Variants in STARD10 observed in about 807,000 individuals in gnomAD.
STARD10 encodes StAR related lipid transfer domain containing 10, also known as START domain-containing protein 10.
A neutral mutation model predicts 36.0 loss-of-function variants in STARD10; 24 were observed. That is an observed-to-expected ratio of 0.67 (90% CI 0.48 to 0.94). The LOEUF (loss-of-function observed/expected upper bound fraction) is 0.94. Among genes scored for constraint, STARD10 ranks in the 40% least tolerant of loss-of-function variants. STARD10 has a pLI of 0.00. For synonymous variants in STARD10, 156 were observed against 161.9 expected (o/e 0.96, Z 0.28); for missense variants, 335 against 396.6 (o/e 0.84, Z 1.32).
chr11:72,779,975 G>A (rs1858971447), intron 2 of STARD10, among the ~76,000 whole-genome samples: 1 of 152,208 alleles, frequency 6.6e-6, no homozygotes, highest in Non-Finnish European at 1.5e-5. Flanking sequence ...GTCCCAGGCA[G>A]AAGGGGAGGG....
intron 2 of STARD10, among the ~76,000 whole-genome samples, chr11:72,771,025 G>A (rs1216971325): frequency 6.6e-6 from 1 of 152,242 alleles, no homozygotes; most frequent in Admixed American, 6.5e-5. Context: ...TGTGCTAAGA[G>A]GTTGGTATAA....
intron 2 of STARD10, 178 bp downstream of exon 2, chr11:72,780,797 C>T: frequency 1.5e-6 from 1 of 661,964 alleles, no homozygotes; most frequent in Non-Finnish European, 2.6e-6. Context: ...CCTCGGTTGG[C>T]CCATCTGTGT....
At chr11:72,790,932 C>A (rs1049240282) in intron 1 of STARD10, among the ~76,000 whole-genome samples, 2 of 152,172 alleles carry the variant, frequency 1.3e-5, no homozygotes, top group Non-Finnish European at 2.9e-5. Context: ...GCTTCTCTGC[C>A]CCTGCATTGA....
At chr11:72,774,404 C>G (rs1858904299) in intron 2 of STARD10, among the ~76,000 whole-genome samples, 1 of 152,136 alleles carries the variant, frequency 6.6e-6, no homozygotes, top group Non-Finnish European at 1.5e-5. Context: ...GTGCCACCTG[C>G]CCCGTGCCAC....
chr11:72,792,370 G>A (rs1354335003), intron 1 of STARD10, among the ~76,000 whole-genome samples: 1 of 151,996 alleles, frequency 6.6e-6, no homozygotes, highest in Non-Finnish European at 1.5e-5. Context: ...GGGATATCTT[G>A]AAGGATCTTG....
At chr11:72,768,752 C>A (rs112001198) in intron 2 of STARD10, among the ~76,000 whole-genome samples, 1 of 152,360 alleles carries the variant, frequency 6.6e-6, no homozygotes, top group Non-Finnish European at 1.5e-5. Flanking sequence ...GCAGCTCCCC[C>A]CTCAGCATGC....
At chr11:72,790,425 G>A (rs573527349) in intron 1 of STARD10, 2 of 152,362 alleles carry the variant, frequency 1.3e-5, no homozygotes, top group East Asian at 3.9e-4. Context: ...ACTTCCATTA[G>A]GGAAGCTTGA....
At chr11:72,755,306 C>CTTTTTT (rs542293512) in intron 6 of STARD10, 164 bp from the exon 7 acceptor site, 136 of 356,694 alleles carry the variant, frequency 3.8e-4, no homozygotes, top group South Asian at 7.8e-4. Context: ...ATTCTCCATT[C>CTTTTTT]TTTTTTTTTT....
chr11:72,761,975 G>A (rs1333219888), intron 2 of STARD10, among the ~76,000 whole-genome samples: 1 of 134,070 alleles, frequency 7.5e-6, no homozygotes, highest in Non-Finnish European at 1.5e-5. Flanking sequence ...GCCTAGGCTG[G>A]AGTGCAATGA....
rs149622518 is a variant in STARD10, at chr11:72,765,123, C to T, written c.208-5742G>A. Among the ~76,000 whole-genome samples the T allele has an allele frequency of 1.1e-3, 173 of 152,106 alleles. 3 individuals are homozygous for T. The Middle Eastern group carries it at 0.048, about 42-fold the overall frequency. On this transcript the variant is annotated intron_variant, in intron 2 of 6. Transcript: ENST00000334805. The stretch of plus-strand genomic sequence containing the variant: ...TCTCTACTAAAAATACAAAATTAGC[C>T]GGGGTGGTGGCACATGCCTGTAATC...
At chr11:72,773,493 TCA>T (rs1387501101) in intron 2 of STARD10, among the ~76,000 whole-genome samples, 1 of 152,254 alleles carries the variant, frequency 6.6e-6, no homozygotes, top group Non-Finnish European at 1.5e-5. Context: ...GGGGTGTGAC[TCA>T]CACACACAGA....
chr11:72,768,288 C>T (rs1047721316), intron 2 of STARD10, among the ~76,000 whole-genome samples: 1 of 152,172 alleles, frequency 6.6e-6, no homozygotes, highest in African/African-American at 2.4e-5. Flanking sequence ...TCCCATGACC[C>T]ACACACCAGC....
chr11:72,792,723 C>G (rs1209072848), intron 1 of STARD10, among the ~76,000 whole-genome samples, 152 bp downstream of exon 1: 1 of 152,152 alleles, frequency 6.6e-6, no homozygotes, highest in Non-Finnish European at 1.5e-5. Flanking sequence ...AGCTCCACTG[C>G]CCCCAGATGG....
intron 2 of STARD10, among the ~76,000 whole-genome samples, chr11:72,775,858 AGAACTTGCCCAG>A (rs1349234613): frequency 6.6e-6 from 1 of 152,196 alleles, no homozygotes; most frequent in Non-Finnish European, 1.5e-5. Context: ...TCCCAGGCAG[AGAACTTGCCCAG>A]GGCCACACAG....
chr11:72,786,916 CA>C (rs527713358), intron 1 of STARD10, among the ~76,000 whole-genome samples: 3 of 151,612 alleles, frequency 2.0e-5, no homozygotes, highest in African/African-American at 7.3e-5. Flanking sequence ...GCCATCTCTA[CA>C]AAAAAATGTA....
At chr11:72,759,437 G>A (rs1368203654) in intron 2 of STARD10, 56 bp from the exon 3 acceptor site, 5 of 1,603,610 alleles carry the variant, frequency 3.1e-6, no homozygotes, top group African/African-American at 2.7e-5. Context: ...GCCTTGGCCA[G>A]GGGACCAGAA....
In STARD10 at chr11:72,758,568, C is replaced by T. The variant is rs775410490; in HGVS notation, c.421G>A (p.Ala141Thr). The T allele has an allele frequency of 5.6e-6, 9 of 1,613,914 alleles. No individual in the cohort carries two copies. In the East Asian group the frequency reaches 1.6e-4, roughly 28 times the overall value. The change falls in exon 4 of 7, where the codon GCT (alanine) becomes ACT (threonine). Residue 141 changes from alanine (A) to threonine (T), a missense_variant. Coordinates refer to ENST00000334805, the MANE Select transcript of STARD10 (RefSeq NM_006645.3). ...ITLRSWLPMGADYIIMNYSVK... is the reference protein window; with the variant it reads ...ITLRSWLPMGTDYIIMNYSVK... The stretch of plus-strand genomic sequence containing the variant: ...GAGTAGTTCATAATGATGTAATCAG[C>T]GCCCATGGGGAGCCAGGAGCGGAGG...
Position 72,781,395 on chromosome 11 carries a change from C to T in STARD10, c.-113-101G>A. 1.7e-6 allele frequency: 1 copy of T among 577,340 alleles called. No homozygotes were observed. The highest frequency in any genetic ancestry group is 3.1e-6 in the Non-Finnish European group (1 of 322,546). The allele number at this position is 577,340 out of a possible 1,614,324, so 35.8% of individuals were successfully genotyped here. ...GGAGCTGGAGAGAGGTAGGGGCTGG[C>T]CCCAGGGAAGGGCGGACGGGCGCTG... On this transcript the variant is annotated intron_variant, in intron 1 of 6. Transcript: ENST00000334805. The surrounding 1 kb of genome is among the most constrained non-coding windows in gnomAD (Gnocchi z 4.7).
In STARD10 at chr11:72,781,279, G is replaced by T. The variant is rs1858993371; in HGVS notation, c.-98C>A. The T allele has an allele frequency of 1.9e-6, 2 of 1,069,296 alleles. No homozygotes were observed. The highest frequency in any genetic ancestry group is 1.4e-6 in the Non-Finnish European group (1 of 735,102). 66.2% of individuals were successfully genotyped at this position (1,069,296 alleles called of 1,614,324 possible). On this transcript the variant is annotated 5_prime_UTR_variant, in exon 2 of 7. Transcript: ENST00000334805. The surrounding 1 kb of genome is among the most constrained non-coding windows in gnomAD (Gnocchi z 4.7). ...CGTCGACGCGGCTGCAGATGCTGACGCCACCTTCCTGGGACCTGCAAGACC... is the reference window on the plus strand; with the variant it reads ...CGTCGACGCGGCTGCAGATGCTGACTCCACCTTCCTGGGACCTGCAAGACC...
Sources: allele counts gnomAD v4.1 joint callset (sites outside exome capture counted in the v4.1 genomes callset), GRCh38; gene constraint gnomAD v4.1.1; non-coding constraint Gnocchi (gnomAD v3.1); transcripts MANE v1.5; gene names NCBI Gene and HGNC (gene_info 2026-07-23, HGNC 2026-07-21).